The following MAT2B variants were observed in gnomAD, a reference collection of about 807,000 sequenced individuals.
MAT2B encodes the protein methionine adenosyltransferase 2 non-catalytic beta subunit.
Under a neutral mutation model 36.1 loss-of-function variants are expected in MAT2B, and 16 were observed. The observed-to-expected ratio is 0.44, with a 90% CI of 0.30 to 0.67. MAT2B has a LOEUF of 0.67. Ranked by LOEUF, MAT2B falls within the 30% of genes least tolerant of loss-of-function variation. MAT2B has a pLI of 0.09. For missense variants in MAT2B, 332 were observed against 398.2 expected (o/e 0.83, Z 1.42); for synonymous variants, 148 against 136.9 (o/e 1.08, Z -0.57).
intron 1 of MAT2B, among the ~76,000 whole-genome samples, chr5:163,507,978 A>G (rs998730208): frequency 6.6e-6 from 1 of 152,208 alleles, no homozygotes; most frequent in Admixed American, 6.5e-5. Context: ...TGCCTTCCCC[A>G]TTTACCAATG....
chr5:163,515,185 A>G (rs1760112567), intron 4 of MAT2B, among the ~76,000 whole-genome samples: 1 of 152,246 alleles, frequency 6.6e-6, no homozygotes, highest in Non-Finnish European at 1.5e-5. Flanking sequence ...TGGAGAGGAC[A>G]AAAACATTCA....
At chr5:163,503,481 C>T, upstream of MAT2B, 1 of 1,504,388 alleles carries the variant, frequency 6.6e-7, no homozygotes, top group Non-Finnish European at 9.3e-7. Flanking sequence ...GCTTTAAAAG[C>T]ATTCCAGTGA....
intron 1 of MAT2B, among the ~76,000 whole-genome samples, chr5:163,506,234 T>G (rs1458054619): frequency 6.6e-6 from 1 of 152,188 alleles, no homozygotes; most frequent in Non-Finnish European, 1.5e-5. Context: ...ATTACTTTAA[T>G]CCTCCACTGT....
Position 163,508,002 on chromosome 5 carries a change from A to G in MAT2B, c.63+2253A>G, listed in dbSNP as rs138941837. On this transcript the variant is annotated intron_variant, in intron 1 of 6. Coordinates refer to ENST00000321757, the MANE Select transcript of MAT2B (RefSeq NM_013283.5). ...CATTTACCAATGAGGAATTAGATCA[A>G]TAGAGATAGAATAACTTCTAAACAC... Among the ~76,000 whole-genome samples the G allele has an allele frequency of 6.2e-4, 95 of 152,346 alleles. No homozygotes were observed. In the East Asian group the frequency reaches 0.011, roughly 17 times the overall value.
intron 1 of MAT2B, among the ~76,000 whole-genome samples, chr5:163,506,413 ATGAT>A (rs1308468433): frequency 6.6e-6 from 1 of 152,128 alleles, no homozygotes; most frequent in Non-Finnish European, 1.5e-5. Flanking sequence ...GATTATGGTG[ATGAT>A]TGGAAGATCC....
rs1484924249 is a variant in MAT2B, at chr5:163,512,021, A to G, written c.83A>G (p.Asn28Ser). The G allele has an allele frequency of 6.2e-7, 1 of 1,613,698 alleles. No individual in the cohort carries two copies. Among genetic ancestry groups the G allele is most frequent in the Non-Finnish European group, 8.5e-7 (1 of 1,179,856 alleles). Reference protein sequence around the residue: ...RLVEEEVNIPNRRVLVTGATG... With the variant: ...RLVEEEVNIPSRRVLVTGATG... ...TTTTAGGAGGAAGTTAACATCCCTA[A>G]TAGGAGGGTTCTGGTTACTGGTGCC... is the stretch of plus-strand genomic sequence containing the variant. Residue 28 changes from asparagine to serine, a missense_variant, in exon 2 of 7, where the codon AAT (asparagine) becomes AGT (serine). Coordinates refer to ENST00000321757, the MANE Select transcript of MAT2B (RefSeq NM_013283.5).
Position 163,505,767 on chromosome 5 carries a change from G to T in MAT2B, c.63+18G>T. ...TGGTGGAGGTGAGGGAGTCGGCCTG[G>T]GCGTCTCCGGTGGGAGCGGGGGCGC... On this transcript the variant is annotated intron_variant, in intron 1 of 6. Coordinates refer to ENST00000321757, the MANE Select transcript of MAT2B (RefSeq NM_013283.5). 7.9e-7 allele frequency: 1 copy of T among 1,264,230 alleles called. No homozygotes were observed. 78.3% of individuals were successfully genotyped at this position (1,264,230 alleles called of 1,614,324 possible). A position where few individuals can be genotyped will look rare whatever the true frequency, so the allele number is the denominator to read the frequency against.
intron 2 of MAT2B, chr5:163,512,762 C>T (rs531804111): frequency 6.9e-6 from 3 of 432,964 alleles, no homozygotes; most frequent in Admixed American, 2.7e-5. Flanking sequence ...TCACTGCAGC[C>T]TCCGCCTCCC....
chr5:163,516,546 G>A lies in MAT2B; in HGVS notation c.555G>A (p.Leu185=), dbSNP rs375446953. The change falls in exon 5 of 7, where the codon CTG becomes CTA. Residue 185 remains leucine (L), a synonymous_variant. Coordinates refer to ENST00000321757, the MANE Select transcript of MAT2B (RefSeq NM_013283.5). Reference sequence around the variant, plus strand: ...CTGCTGTTTTGAGGATTCCTATTCTGTATGGGGAAGTTGAAAAGCTCGAAG... The same window carrying A: ...CTGCTGTTTTGAGGATTCCTATTCTATATGGGGAAGTTGAAAAGCTCGAAG... ...LGAAVLRIPI[L]YGEVEKLEES... is the part of the protein sequence containing the mutation. 2.5e-6 allele frequency: 4 copies of A among 1,614,138 alleles called. No homozygotes were observed. The highest frequency in any genetic ancestry group is 3.3e-5 in the Admixed American group (2 of 60,024).
intron 4 of MAT2B, among the ~76,000 whole-genome samples, chr5:163,514,995 G>T (rs1484964910): frequency 2.0e-5 from 3 of 152,156 alleles, no homozygotes; most frequent in African/African-American, 7.2e-5. Flanking sequence ...CTCTGGAGGG[G>T]AGGAATGCTG....
At chr5:163,512,446 T>C (rs1377564718) in intron 2 of MAT2B, 2 of 517,342 alleles carry the variant, frequency 3.9e-6, no homozygotes, top group Admixed American at 3.3e-5. Flanking sequence ...TTCTAAGTAA[T>C]ACTTTCTCTG....
intron 4 of MAT2B, among the ~76,000 whole-genome samples, chr5:163,515,631 CCAGT>C (rs566392996): frequency 1.9e-3 from 282 of 151,876 alleles, no homozygotes; most frequent in Non-Finnish European, 2.9e-3. Flanking sequence ...AATCTAGCAT[CCAGT>C]CAAAGACTAT....
intron 6 of MAT2B, 63 bp downstream of exon 6, chr5:163,517,737 G>T: frequency 9.8e-7 from 1 of 1,024,552 alleles, no homozygotes; most frequent in East Asian, 2.4e-5. Flanking sequence ...TGCTGTGTTG[G>T]GTAACTTCAT....
At chr5:163,510,776 A>G (rs1760026327) in intron 1 of MAT2B, among the ~76,000 whole-genome samples, 1 of 152,308 alleles carries the variant, frequency 6.6e-6, no homozygotes, top group East Asian at 1.9e-4. Context: ...GAAAGCATTT[A>G]AGTGTTGTAA....
chr5:163,506,715 G>A (rs1167401288), intron 1 of MAT2B, among the ~76,000 whole-genome samples: 2 of 152,196 alleles, frequency 1.3e-5, no homozygotes, highest in African/African-American at 4.8e-5. Flanking sequence ...CCTCCAGACC[G>A]TGCTGAGTGC....
chr5:163,513,386 C>A (rs571207156), intron 2 of MAT2B, 169 bp from the exon 3 acceptor site: 1 of 527,498 alleles, frequency 1.9e-6, no homozygotes, highest in Non-Finnish European at 3.4e-6. Flanking sequence ...TTGAACCTTG[C>A]GGGGAAAAGA....
At chr5:163,513,725 G>C in intron 3 of MAT2B, 56 bp downstream of exon 3, 1 of 1,540,484 alleles carries the variant, frequency 6.5e-7, no homozygotes, top group South Asian at 1.1e-5. Context: ...TGAGTTTTTA[G>C]AAATTAAGGT....
rs1262822406 is a variant in MAT2B, at chr5:163,505,739, G to C, written c.53G>C (p.Arg18Pro). Reference sequence around the variant, plus strand: ...ATACACTTTGTTCCCGGGAGCTGTCGGCTGGTGGAGGTGAGGGAGTCGGCC... The same window carrying C: ...ATACACTTTGTTCCCGGGAGCTGTCCGCTGGTGGAGGTGAGGGAGTCGGCC... Reference protein sequence around the residue: ...LSIHFVPGSCRLVEEEVNIPN... With the variant: ...LSIHFVPGSCPLVEEEVNIPN... The change falls in exon 1 of 7, where the codon CGG (arginine) becomes CCG (proline). Residue 18 changes from arginine to proline, a missense_variant. Transcript: ENST00000321757. 2 of 1,277,048 alleles carry C rather than the reference G, an allele frequency of 1.6e-6. No individual in the cohort carries two copies. The highest frequency in any genetic ancestry group is 2.0e-6 in the Non-Finnish European group (2 of 1,004,372). The allele number at this position is 1,277,048 out of a possible 1,614,324, so 79.1% of individuals were successfully genotyped here. A position where few individuals can be genotyped will look rare whatever the true frequency, so the allele number is the denominator to read the frequency against.
upstream of MAT2B, chr5:163,503,472 C>T (rs766034840): frequency 1.4e-5 from 22 of 1,561,330 alleles, no homozygotes; most frequent in Non-Finnish European, 1.9e-5. Context: ...GTAAGAGATG[C>T]TTTAAAAGCA....
Sources: gnomAD v4.1 joint callset for allele counts (sites outside exome capture counted in the v4.1 genomes callset) on GRCh38, gnomAD v4.1.1 for gene constraint, MANE v1.5 for transcripts, NCBI Gene and HGNC (gene_info 2026-07-23, HGNC 2026-07-21) for gene names.